Variants in NCF2 observed in about 807,000 individuals in gnomAD.
NCF2 encodes neutrophil cytosol factor 2.
NCF2 carries 45 observed loss-of-function variants against 70.9 expected under a neutral mutation model. That is an observed-to-expected ratio of 0.63 (90% CI 0.50 to 0.81). The LOEUF is 0.81. Ranked by LOEUF, NCF2 falls within the 40% of genes least tolerant of loss-of-function variation. The pLI is 0.00. For synonymous variants in NCF2, 203 were observed against 233.6 expected (o/e 0.87, Z 1.19); for missense variants, 522 against 631.6 (o/e 0.83, Z 1.86).
chr1:183,571,227 C>T (rs1012190947), intron 5 of NCF2, among the ~76,000 whole-genome samples: 10 of 148,162 alleles, frequency 6.7e-5, no homozygotes, highest in South Asian at 4.2e-4. Context: ...AAGTGATTCT[C>T]CTGCCTCAGC....
In NCF2 at chr1:183,570,857, A is replaced by G; in HGVS notation, c.610-18T>C. ...GCCACGACCTAAAATCAAGGACAGG[A>G]GGGTGTGAGGCTCTGCCAGCACTGT... is the stretch of plus-strand genomic sequence containing the variant. On this transcript the variant is annotated intron_variant, in intron 5 of 14. Coordinates refer to ENST00000367535, the MANE Select transcript of NCF2 (RefSeq NM_000433.4). The G allele has an allele frequency of 6.2e-7, 1 of 1,613,606 alleles. No individual in the cohort carries two copies. Among genetic ancestry groups the G allele is most frequent in the South Asian group, 1.1e-5 (1 of 91,066 alleles).
chr1:183,599,680 T>C, the NCF2 span, among the ~76,000 whole-genome samples: 388 of 151,788 alleles, frequency 2.6e-3, 1 homozygote, highest in Non-Finnish European at 2.7e-3. Context: ...GCCTCCCAAG[T>C]AGCTGGGATT....
rs750743074 is a variant in NCF2 at position 183,578,939 on chromosome 1, C to T, written c.258-1232G>A. Among the ~76,000 whole-genome samples, 7 of 152,316 alleles carry T rather than the reference C, an allele frequency of 4.6e-5. No individual in the cohort carries two copies. The South Asian group carries it at 8.3e-4, about 18-fold the overall frequency. On this transcript the variant is annotated intron_variant, in intron 2 of 14. Transcript: ENST00000367535. ...GGGTGGGAGCAGCAGGCATAAGCTACGCCAGCCTCACTCCACTCAGTCCCC... is the reference window on the plus strand; with the variant it reads ...GGGTGGGAGCAGCAGGCATAAGCTATGCCAGCCTCACTCCACTCAGTCCCC...
chr1:183,580,165 A>G (rs1181015914), intron 2 of NCF2, among the ~76,000 whole-genome samples: 1 of 152,198 alleles, frequency 6.6e-6, no homozygotes, highest in African/African-American at 2.4e-5. Flanking sequence ...TGCGGGAAAT[A>G]AAAGAAGAGA....
At chr1:183,571,264 C>T (rs534374716) in intron 5 of NCF2, among the ~76,000 whole-genome samples, 29 of 151,902 alleles carry the variant, frequency 1.9e-4, no homozygotes, top group African/African-American at 6.3e-4. Context: ...ATTACAGGCA[C>T]CCGCCACTGT....
chr1:183,577,104 C>T (rs1427824280), intron 3 of NCF2, among the ~76,000 whole-genome samples: 1 of 152,198 alleles, frequency 6.6e-6, no homozygotes, highest in Non-Finnish European at 1.5e-5. Context: ...CTTTAGGTAT[C>T]AATCAAGTAC....
chr1:183,581,888 C>G (rs1479661836), intron 2 of NCF2, among the ~76,000 whole-genome samples: 2 of 152,168 alleles, frequency 1.3e-5, no homozygotes, highest in African/African-American at 4.8e-5. Context: ...AGGATGGTCT[C>G]GATCTCCTTA....
intron 13 of NCF2, among the ~76,000 whole-genome samples, chr1:183,561,205 A>G (rs1672032289): frequency 6.6e-6 from 1 of 152,246 alleles, no homozygotes; most frequent in Non-Finnish European, 1.5e-5. Flanking sequence ...TACAGATGTG[A>G]ATCATAGAAT....
chr1:183,575,326 T>C (rs765539224), intron 3 of NCF2, among the ~76,000 whole-genome samples: 2 of 152,252 alleles, frequency 1.3e-5, no homozygotes, highest in Non-Finnish European at 2.9e-5. Context: ...AAAAATTAGC[T>C]GGGCATGGTG....
intron 14 of NCF2, among the ~76,000 whole-genome samples, chr1:183,557,143 A>G (rs962669740): frequency 6.6e-6 from 1 of 152,228 alleles, no homozygotes; most frequent in Admixed American, 6.5e-5. Context: ...AAGGAGACCC[A>G]GAGAGATGAA....
At chr1:183,558,507 G>A (rs1035094999) in intron 14 of NCF2, among the ~76,000 whole-genome samples, 7 of 150,720 alleles carry the variant, frequency 4.6e-5, no homozygotes, top group African/African-American at 1.2e-4. Context: ...ACCTCAAGCA[G>A]TCAGCCCACA....
chr1:183,579,681 G>C (rs1157720509), intron 2 of NCF2, among the ~76,000 whole-genome samples: 1 of 142,038 alleles, frequency 7.0e-6, no homozygotes, highest in Non-Finnish European at 1.5e-5. Flanking sequence ...AGAGCTTGCA[G>C]TGAGCAGAGA....
At position 183,560,188 on chromosome 1, in the gene NCF2, C is replaced by A; in HGVS notation, c.1376G>T (p.Gly459Val). 6.2e-7 allele frequency: 1 copy of A among 1,614,142 alleles called. No homozygotes were observed. The highest frequency in any genetic ancestry group is 8.5e-7 in the Non-Finnish European group (1 of 1,180,032). The change falls in exon 14 of 15, where the codon GGC (glycine) becomes GTC (valine). Residue 459 changes from glycine (G) to valine (V), a missense_variant. Transcript: ENST00000367535. ...ACTGAAGAGTGCCTCCACTTGGCTG[C>A]CTTTCTTAAGCTGAGGTTCTGTTGT... ...NQTTEPQLKK[G>V]SQVEALFSYE...
rs1352805193 is a variant in NCF2 at position 183,567,203 on chromosome 1, C to T, written c.855+1G>A. ...GCACCAGCCCCTGATCCTCTGCATA[C>T]CTGCCCGTTGAACATGACCGTGGCC... On this transcript the variant is annotated splice_donor_variant, in intron 8 of 14. Coordinates refer to ENST00000367535, the MANE Select transcript of NCF2 (RefSeq NM_000433.4). LOFTEE classifies it high-confidence loss of function. 10 of 1,614,170 alleles carry T rather than the reference C, an allele frequency of 6.2e-6. No individual in the cohort carries two copies. The East Asian group carries it at 2.0e-4, about 32-fold the overall frequency.
upstream of NCF2, among the ~76,000 whole-genome samples, chr1:183,594,407 T>G (rs982791826): frequency 6.6e-6 from 1 of 152,216 alleles, no homozygotes; most frequent in Non-Finnish European, 1.5e-5. Flanking sequence ...AGACTCCATC[T>G]CTTAAAAGAT....
At chr1:183,576,966 A>T (rs977920851) in intron 3 of NCF2, among the ~76,000 whole-genome samples, 1 of 152,254 alleles carries the variant, frequency 6.6e-6, no homozygotes, top group Non-Finnish European at 1.5e-5. Context: ...AGTCAAAGCC[A>T]GTCATGTCTC....
intron 2 of NCF2, among the ~76,000 whole-genome samples, chr1:183,579,361 C>T (rs10911361): frequency 0.12 from 17,574 of 152,086 alleles, 1,443 homozygotes; most frequent in East Asian, 0.24. Context: ...GTCTTGGCTC[C>T]GTCACTTACT....
chr1:183,560,080 T>C lies in NCF2; in HGVS notation c.1468+16A>G. 1 of 1,613,236 alleles carries C rather than the reference T, an allele frequency of 6.2e-7. No homozygotes were observed. The highest frequency in any genetic ancestry group is 8.5e-7 in the Non-Finnish European group (1 of 1,179,198). ...AACATGTAAATTTGTTTCTATAGTCTTGGAGTAGCACTTACCCTTTGATAA... is the reference window on the plus strand; with the variant it reads ...AACATGTAAATTTGTTTCTATAGTCCTGGAGTAGCACTTACCCTTTGATAA... On this transcript the variant is annotated intron_variant, in intron 14 of 14. Transcript: ENST00000367535.
intron 10 of NCF2, among the ~76,000 whole-genome samples, chr1:183,564,303 GGT>G (rs1672211893): frequency 6.6e-6 from 1 of 152,142 alleles, no homozygotes; most frequent in Admixed American, 6.6e-5. Context: ...CAACCCACAA[GGT>G]TAGCAGGGAT....
Sources: gnomAD v4.1 joint callset for allele counts (sites outside exome capture counted in the v4.1 genomes callset) on GRCh38, gnomAD v4.1.1 for gene constraint, MANE v1.5 for transcripts, NCBI Gene and HGNC (gene_info 2026-07-23, HGNC 2026-07-21) for gene names.